Variants in FSIP1 observed in about 807,000 individuals in gnomAD.
FSIP1 encodes the protein fibrous sheath interacting protein 1, also known as fibrous sheath-interacting protein 1.
Under a neutral mutation model 60.9 loss-of-function variants are expected in FSIP1, and 65 were observed. That is an observed-to-expected ratio of 1.07 (90% CI 0.87 to 1.31). The LOEUF (loss-of-function observed/expected upper bound fraction) is 1.31. FSIP1 is among the 40% of genes most tolerant of loss of function. The pLI is 0.00. For synonymous variants in FSIP1, 209 were observed against 221.2 expected, an observed-to-expected ratio of 0.94 and a Z score of 0.49; for missense variants, 675 against 665.5, an observed-to-expected ratio of 1.01 and a Z score of -0.16.
chr15:39,679,529 G>A (rs899889043), intron 10 of FSIP1, among the ~76,000 whole-genome samples: 2 of 152,156 alleles, frequency 1.3e-5, no homozygotes, highest in Non-Finnish European at 1.5e-5. Flanking sequence ...TTGAGCCAAG[G>A]AGCTTGAGGT....
intron 5 of FSIP1, among the ~76,000 whole-genome samples, chr15:39,758,385 T>A (rs888850121): frequency 3.3e-5 from 5 of 152,050 alleles, no homozygotes; most frequent in African/African-American, 1.2e-4. Flanking sequence ...ACAAGCAGGT[T>A]TGGTCTTTCA....
chr15:39,739,622 C>A (rs1896736332), intron 7 of FSIP1, 43 bp downstream of exon 7: 2 of 1,557,496 alleles, frequency 1.3e-6, no homozygotes, highest in South Asian at 1.2e-5. Context: ...TTTTTCAACT[C>A]ATTTAGCCCC....
chr15:39,702,528 T>C (rs1158617032), intron 10 of FSIP1, among the ~76,000 whole-genome samples: 1 of 133,458 alleles, frequency 7.5e-6, no homozygotes, highest in African/African-American at 2.9e-5. Flanking sequence ...ACTAGAACTC[T>C]CCCGTCCAGA....
At chr15:39,635,639 GT>G (rs1487601036) in intron 10 of FSIP1, among the ~76,000 whole-genome samples, 3 of 152,092 alleles carry the variant, frequency 2.0e-5, no homozygotes, top group African/African-American at 7.2e-5. Flanking sequence ...AAGACCCAGA[GT>G]TTTTTGGTTG....
intron 10 of FSIP1, among the ~76,000 whole-genome samples, chr15:39,670,534 T>C (rs1893677936): frequency 6.6e-6 from 1 of 152,210 alleles, no homozygotes; most frequent in African/African-American, 2.4e-5. Flanking sequence ...CAGGCTGGAG[T>C]GCAGTGGTGC....
At chr15:39,767,151 A>G (rs193103865) in intron 3 of FSIP1, among the ~76,000 whole-genome samples, 2 of 152,238 alleles carry the variant, frequency 1.3e-5, no homozygotes, top group East Asian at 3.9e-4. Flanking sequence ...TCTCAATTCC[A>G]TCATTTCCTC....
intron 10 of FSIP1, among the ~76,000 whole-genome samples, chr15:39,680,112 A>G (rs1894100548): frequency 6.6e-6 from 1 of 152,214 alleles, no homozygotes; most frequent in East Asian, 1.9e-4. Context: ...CTGAAATTCT[A>G]GACCATGGGG....
intron 5 of FSIP1, among the ~76,000 whole-genome samples, chr15:39,753,730 T>C (rs767290365): frequency 4.0e-5 from 6 of 151,792 alleles, no homozygotes; most frequent in Non-Finnish European, 8.8e-5. Context: ...ACACAAAAAT[T>C]AACATTATTT....
intron 10 of FSIP1, among the ~76,000 whole-genome samples, chr15:39,665,547 A>T (rs1286822468): frequency 6.6e-6 from 1 of 152,232 alleles, no homozygotes; most frequent in Non-Finnish European, 1.5e-5. Flanking sequence ...TTGTAATGAG[A>T]AAACGGAAAA....
chr15:39,620,888 G>A (rs754047417), intron 10 of FSIP1, among the ~76,000 whole-genome samples: 11 of 151,110 alleles, frequency 7.3e-5, no homozygotes, highest in Non-Finnish European at 1.0e-4. Context: ...TTACAGGCGT[G>A]AGCCACCATG....
At chr15:39,732,490 G>T (rs1342600786) in intron 8 of FSIP1, among the ~76,000 whole-genome samples, 3 of 151,940 alleles carry the variant, frequency 2.0e-5, no homozygotes, top group Non-Finnish European at 4.4e-5. Context: ...GTGGTGGCAG[G>T]CATCTGTAAT....
chr15:39,774,808 G>A (rs1197593157), intron 2 of FSIP1, among the ~76,000 whole-genome samples: 6 of 152,214 alleles, frequency 3.9e-5, no homozygotes, highest in Admixed American at 3.9e-4. Flanking sequence ...ATCTCTGCAT[G>A]TCTAGTCACC....
At chr15:39,643,037 C>T (rs549084521) in intron 10 of FSIP1, among the ~76,000 whole-genome samples, 134 of 152,298 alleles carry the variant, frequency 8.8e-4, no homozygotes, top group African/African-American at 3.1e-3. Context: ...CAATAAATTC[C>T]TATTCAGACT....
intron 10 of FSIP1, among the ~76,000 whole-genome samples, chr15:39,631,006 C>T (rs2412417): frequency 0.18 from 27,566 of 152,094 alleles, 3,047 homozygotes; most frequent in East Asian, 0.32. Flanking sequence ...TCAGGCTGTG[C>T]CATCCCAGTA....
chr15:39,701,363 T>C (rs552905908), intron 10 of FSIP1, among the ~76,000 whole-genome samples: 1 of 152,262 alleles, frequency 6.6e-6, no homozygotes, highest in South Asian at 2.1e-4. Context: ...TTCTTGCACA[T>C]GTAGGTTGTG....
chr15:39,773,596 A>C (rs958425378), intron 2 of FSIP1, among the ~76,000 whole-genome samples: 1 of 152,224 alleles, frequency 6.6e-6, no homozygotes, highest in African/African-American at 2.4e-5. Context: ...CCCAGAAATA[A>C]ATAAGCAGGA....
chr15:39,651,351 A>T (rs1328068333), intron 10 of FSIP1, among the ~76,000 whole-genome samples: 1 of 152,190 alleles, frequency 6.6e-6, no homozygotes, highest in African/African-American at 2.4e-5. Flanking sequence ...CATTGATGTG[A>T]TTTTCACACA....
chr15:39,713,938 G>A (rs945054259), intron 9 of FSIP1, among the ~76,000 whole-genome samples: 5 of 152,122 alleles, frequency 3.3e-5, no homozygotes, highest in African/African-American at 1.2e-4. Context: ...GTATAAATAA[G>A]AAGGAAAAAA....
chr15:39,743,508 G>A (rs189448367), intron 5 of FSIP1, among the ~76,000 whole-genome samples: 13 of 151,998 alleles, frequency 8.6e-5, no homozygotes, highest in Admixed American at 6.5e-4. Context: ...AACAATTAAC[G>A]TAGAAGAAAT....
Sources: gnomAD v4.1 joint callset for allele counts (sites outside exome capture counted in the v4.1 genomes callset) on GRCh38, gnomAD v4.1.1 for gene constraint, MANE v1.5 for transcripts, NCBI Gene and HGNC (gene_info 2026-07-23, HGNC 2026-07-21) for gene names.